The following GRK3 variants were observed in gnomAD, a reference collection of about 807,000 sequenced individuals.
GRK3 encodes the protein G protein-coupled receptor kinase 3.
A neutral mutation model predicts 95.7 loss-of-function variants in GRK3; 54 were observed. The ratio of observed to expected loss-of-function variants is 0.56; its 90% CI spans 0.45 to 0.71. GRK3 has a LOEUF of 0.71. GRK3 is among the 30% of genes least tolerant of loss of function. The pLI, the probability that GRK3 is intolerant of heterozygous loss-of-function variation, is 0.00. For missense variants in GRK3, 649 were observed against 851.2 expected (o/e 0.76, Z 2.96); for synonymous variants, 281 against 290.8 (o/e 0.97, Z 0.34).
intron 19 of GRK3, among the ~76,000 whole-genome samples, chr22:25,719,623 G>C (rs933237062): frequency 1.3e-5 from 2 of 150,596 alleles, no homozygotes; most frequent in Non-Finnish European, 2.9e-5. Context: ...AGTGCCTACT[G>C]GGTGAAGAGC....
At chr22:25,624,386 A>AC (rs927808482) in intron 2 of GRK3, among the ~76,000 whole-genome samples, 3 of 151,636 alleles carry the variant, frequency 2.0e-5, no homozygotes, top group Admixed American at 2.0e-4. Flanking sequence ...ACACGGTGAA[A>AC]CCCCCTCTCT....
chr22:25,690,824 A>G (rs146038692), intron 12 of GRK3, among the ~76,000 whole-genome samples: 36 of 152,244 alleles, frequency 2.4e-4, no homozygotes, highest in African/African-American at 7.7e-4. Context: ...AATTAAAGAA[A>G]CAAATCATCT....
rs541458456 is a variant in GRK3 at position 25,699,997 on chromosome 22, C to T, written c.1161-3513C>T. ...ACAGGCGTGAGCCCCCGCGCCCGGC[C>T]GCTCTGTTTTCTGTTTTAATCCTCC... On this transcript the variant is annotated intron_variant, in intron 13 of 20. Transcript: ENST00000324198. 5.9e-5 allele frequency among the ~76,000 whole-genome samples: 9 copies of T among 152,324 alleles called. No individual in the cohort carries two copies. The South Asian group carries it at 6.2e-4, about 11-fold the overall frequency.
intron 2 of GRK3, among the ~76,000 whole-genome samples, chr22:25,624,919 C>CTT (rs552338056): frequency 4.6e-4 from 65 of 142,222 alleles, no homozygotes; most frequent in Admixed American, 2.1e-3. Flanking sequence ...TGATGAATCT[C>CTT]TTTTTTTTTT....
chr22:25,687,670 G>A lies in GRK3; in HGVS notation c.957+3G>A, dbSNP rs1462009676. On this transcript the variant is annotated splice_donor_region_variant and intron_variant, in intron 11 of 20. Transcript: ENST00000324198. ...TTGTTGTCTACAGAGATTTGAAGGT[G>A]AGGACGATTGACAGACTCATTCTGC... 2 of 1,614,102 alleles carry A rather than the reference G, an allele frequency of 1.2e-6. No individual in the cohort carries two copies. Among genetic ancestry groups the A allele is most frequent in the South Asian group, 1.1e-5 (1 of 91,062 alleles).
At position 25,564,901 on chromosome 22, in the gene GRK3, C is replaced by A. The variant is rs1412612651; in HGVS notation, c.-140C>A. ...GAGCGCTAGTGGGGCGCGCGGCGCG[C>A]GCGCGGGGCGGGGGCGCGCGGAGGG... On this transcript the variant is annotated 5_prime_UTR_variant, in exon 1 of 21. Coordinates refer to ENST00000324198, the MANE Select transcript of GRK3 (RefSeq NM_005160.4). The A allele has an allele frequency of 7.3e-6, 1 of 136,738 alleles. No homozygotes were observed. The highest frequency in any genetic ancestry group is 2.6e-5 in the African/African-American group (1 of 38,044). The allele number at this position is 136,738 out of a possible 1,614,324, so 8.5% of individuals were successfully genotyped here.
chr22:25,651,054 A>G (rs8135164), intron 3 of GRK3, among the ~76,000 whole-genome samples: 4,472 of 152,298 alleles, frequency 0.029, 82 homozygotes, highest in African/African-American at 0.051. Context: ...CTTCTAGCAC[A>G]CTGTTTAAAA....
intron 1 of GRK3, among the ~76,000 whole-genome samples, chr22:25,566,459 A>C (rs1241886666): frequency 3.3e-5 from 5 of 152,188 alleles, no homozygotes; most frequent in Non-Finnish European, 7.3e-5. Context: ...GAAAAGCTAA[A>C]TTGTGCAAAT....
chr22:25,611,990 A>C (rs1225360738), intron 2 of GRK3, among the ~76,000 whole-genome samples: 1 of 151,690 alleles, frequency 6.6e-6, no homozygotes, highest in Non-Finnish European at 1.5e-5. Flanking sequence ...ACACCACCAC[A>C]CCCAGCTAAT....
intron 5 of GRK3, among the ~76,000 whole-genome samples, chr22:25,666,907 T>C (rs2084945921): frequency 6.6e-6 from 1 of 152,232 alleles, no homozygotes; most frequent in Admixed American, 6.5e-5. Context: ...TATATTTTTA[T>C]AGTTCTTGAT....
Position 25,579,332 on chromosome 22 carries a change from A to G in GRK3, c.113+14179A>G, listed in dbSNP as rs559881550. Reference sequence around the variant, plus strand: ...TGGCTAATTTTTTTTTTTTTGGTAGATATGGGGTTTCGCCATGTTGCCAAG... The same window carrying G: ...TGGCTAATTTTTTTTTTTTTGGTAGGTATGGGGTTTCGCCATGTTGCCAAG... On this transcript the variant is annotated intron_variant, in intron 1 of 20. Coordinates refer to ENST00000324198, the MANE Select transcript of GRK3 (RefSeq NM_005160.4). Among the ~76,000 whole-genome samples the G allele has an allele frequency of 3.1e-4, 47 of 149,712 alleles. No homozygotes were observed. The South Asian group carries it at 4.0e-3, about 13-fold the overall frequency.
chr22:25,677,377 TAAAAAAAAAA>T (rs376997700), intron 8 of GRK3, among the ~76,000 whole-genome samples: 13 of 42,554 alleles, frequency 3.1e-4, no homozygotes, highest in Non-Finnish European at 4.7e-4. Flanking sequence ...CCCCATATCT[TAAAAAAAAAA>T]AAAAAAAAAA....
At chr22:25,690,141 C>T (rs760242594) in intron 11 of GRK3, 48 bp from the exon 12 acceptor site, 1 of 1,429,230 alleles carries the variant, frequency 7.0e-7, no homozygotes, top group East Asian at 2.3e-5. Context: ...TCAAAGCCTG[C>T]ATGGCATTTG....
At chr22:25,655,505 T>G (rs2084864168) in intron 3 of GRK3, among the ~76,000 whole-genome samples, 2 of 152,242 alleles carry the variant, frequency 1.3e-5, no homozygotes, top group Admixed American at 1.3e-4. Context: ...CCGTCTTCTG[T>G]GATGGCTGAC....
At chr22:25,637,750 A>G (rs2084713099) in intron 2 of GRK3, among the ~76,000 whole-genome samples, 2 of 152,238 alleles carry the variant, frequency 1.3e-5, no homozygotes, top group Non-Finnish European at 2.9e-5. Context: ...ATATGTGTAT[A>G]TAGACAGAAA....
rs566974217 is a variant in GRK3, at chr22:25,587,185, C to T, written c.114-17192C>T. The stretch of plus-strand genomic sequence containing the variant: ...GGATTATAGGCGTGAGCCACCGTGC[C>T]CAGTGGCCCTTGCAGTCTTTTAAAT... On this transcript the variant is annotated intron_variant, in intron 1 of 20. Transcript: ENST00000324198. Among the ~76,000 whole-genome samples, 17 of 152,290 alleles carry T rather than the reference C, an allele frequency of 1.1e-4. 1 individual carries two copies. The South Asian group carries it at 1.7e-3, about 15-fold the overall frequency.
At chr22:25,670,076 ACT>A (rs556069411) in intron 6 of GRK3, among the ~76,000 whole-genome samples, 105 of 152,196 alleles carry the variant, frequency 6.9e-4, no homozygotes, top group African/African-American at 2.5e-3. Context: ...TCAGTGAAAC[ACT>A]CTTTGTGAGT....
intron 13 of GRK3, among the ~76,000 whole-genome samples, chr22:25,695,755 T>G (rs1411958433): frequency 1.3e-5 from 2 of 152,064 alleles, no homozygotes; most frequent in Non-Finnish European, 2.9e-5. Context: ...CTCGACCTCC[T>G]GGGCTCAAGC....
intron 17 of GRK3, among the ~76,000 whole-genome samples, chr22:25,712,799 T>A (rs889827927): frequency 6.6e-6 from 1 of 152,226 alleles, no homozygotes; most frequent in Non-Finnish European, 1.5e-5. Flanking sequence ...TATTATTATG[T>A]TTTGGTTCTT....
Sources: gnomAD v4.1 joint callset for allele counts (sites outside exome capture counted in the v4.1 genomes callset) on GRCh38, gnomAD v4.1.1 for gene constraint, MANE v1.5 for transcripts, NCBI Gene and HGNC (gene_info 2026-07-23, HGNC 2026-07-21) for gene names.